Variants in FHIT observed in about 807,000 individuals in gnomAD.
FHIT encodes the protein bis(5'-adenosyl)-triphosphatase.
FHIT carries 19 observed loss-of-function variants against 17.9 expected under a neutral mutation model. The ratio of observed to expected loss-of-function variants is 1.06; its 90% CI spans 0.74 to 1.56. The LOEUF (loss-of-function observed/expected upper bound fraction) is 1.56. Ranked by LOEUF, FHIT falls within the 40% of genes most tolerant of loss-of-function variation. The probability of loss-of-function intolerance (pLI) is 0.00; values close to 1 mark genes in which losing one functional copy is unlikely to be tolerated. For synonymous variants in FHIT, 81 were observed against 69.7 expected (o/e 1.16, Z -0.81); for missense variants, 248 against 189.2 (o/e 1.31, Z -1.82).
intron 4 of FHIT, among the ~76,000 whole-genome samples, chr3:60,724,450 C>T (rs540258677): frequency 6.6e-6 from 1 of 152,214 alleles, no homozygotes; most frequent in African/African-American, 2.4e-5. Flanking sequence ...CATTTGCATA[C>T]AATTTTTTTA....
chr3:60,857,482 G>A (rs1327065829), intron 3 of FHIT, among the ~76,000 whole-genome samples: 3 of 152,120 alleles, frequency 2.0e-5, no homozygotes, highest in Non-Finnish European at 2.9e-5. Flanking sequence ...TTAAAATGGG[G>A]ATAATGACAA....
chr3:60,363,864 A>G (rs115371408), intron 5 of FHIT, among the ~76,000 whole-genome samples: 97 of 152,254 alleles, frequency 6.4e-4, no homozygotes, highest in African/African-American at 2.3e-3. Context: ...CCTTCCTGGA[A>G]GGTCACCTCA....
chr3:61,173,503 C>G (rs1208199763), intron 2 of FHIT, among the ~76,000 whole-genome samples: 2 of 152,164 alleles, frequency 1.3e-5, no homozygotes, highest in Non-Finnish European at 2.9e-5. Flanking sequence ...TGTGAGGTAT[C>G]TCTGAAGGAT....
rs571562587 is a variant in FHIT, at chr3:60,626,536, G to C, written c.-17-89557C>G. 1.2e-4 allele frequency among the ~76,000 whole-genome samples: 19 copies of C among 152,216 alleles called. No individual in the cohort carries two copies. The South Asian group carries it at 2.7e-3, about 22-fold the overall frequency. Reference sequence around the variant, plus strand: ...TATCACAAGTGAATAGAGAGAATGAGTTTGTGTATATTGTTCTTGTATCCT... The same window carrying C: ...TATCACAAGTGAATAGAGAGAATGACTTTGTGTATATTGTTCTTGTATCCT... On this transcript the variant is annotated intron_variant, in intron 4 of 9. Coordinates refer to ENST00000492590, the MANE Select transcript of FHIT (RefSeq NM_002012.4).
At chr3:60,452,876 T>G (rs1451514498) in intron 5 of FHIT, among the ~76,000 whole-genome samples, 2 of 152,198 alleles carry the variant, frequency 1.3e-5, no homozygotes, top group Non-Finnish European at 2.9e-5. Context: ...AGTATGCAAA[T>G]GTAAGTGTCT....
chr3:60,696,967 C>A (rs1553700773), intron 4 of FHIT, among the ~76,000 whole-genome samples: 1 of 152,068 alleles, frequency 6.6e-6, no homozygotes, highest in Non-Finnish European at 1.5e-5. Context: ...GCACTAGCAA[C>A]ATGAGTGCAC....
At chr3:59,972,428 T>A (rs960217722) in intron 7 of FHIT, among the ~76,000 whole-genome samples, 1 of 152,078 alleles carries the variant, frequency 6.6e-6, no homozygotes, top group Non-Finnish European at 1.5e-5. Context: ...TGGGAAGGTA[T>A]CCTTGGCGCT....
chr3:59,924,090 A>G (rs1041618857), intron 7 of FHIT, among the ~76,000 whole-genome samples: 2 of 152,182 alleles, frequency 1.3e-5, no homozygotes, highest in African/African-American at 2.4e-5. Flanking sequence ...CCATGAAACC[A>G]AATTCTTAGG....
At chr3:60,852,200 T>C (rs1575597961) in intron 3 of FHIT, among the ~76,000 whole-genome samples, 1 of 152,128 alleles carries the variant, frequency 6.6e-6, no homozygotes, top group Non-Finnish European at 1.5e-5. Context: ...GCTGGGACAC[T>C]GATTGTGTCC....
intron 8 of FHIT, among the ~76,000 whole-genome samples, chr3:59,823,614 A>G (rs1247461861): frequency 1.3e-5 from 2 of 152,226 alleles, no homozygotes; most frequent in African/African-American, 4.8e-5. Flanking sequence ...TCATCTCAAA[A>G]GATGCAGACA....
intron 3 of FHIT, among the ~76,000 whole-genome samples, chr3:60,999,967 C>A (rs1429345987): frequency 6.6e-6 from 1 of 152,080 alleles, no homozygotes; most frequent in Non-Finnish European, 1.5e-5. Context: ...CCTGGGGCCT[C>A]TTTTGTATAG....
chr3:59,987,790 T>C (rs184978934), intron 7 of FHIT, among the ~76,000 whole-genome samples: 171 of 152,182 alleles, frequency 1.1e-3, no homozygotes, highest in African/African-American at 4.1e-3. Flanking sequence ...ATGGCCTACT[T>C]ATGTTTTTCA....
intron 1 of FHIT, among the ~76,000 whole-genome samples, chr3:61,227,790 G>A (rs535239199): frequency 1.3e-5 from 2 of 152,216 alleles, no homozygotes; most frequent in South Asian, 4.2e-4. Flanking sequence ...ATATTCATGA[G>A]TATGTTTGCC....
intron 5 of FHIT, among the ~76,000 whole-genome samples, chr3:60,106,341 C>G (rs35714610): frequency 6.6e-6 from 1 of 151,988 alleles, no homozygotes; most frequent in Non-Finnish European, 1.5e-5. Flanking sequence ...GGTGGCAACA[C>G]CTATAGGAAG....
At chr3:60,391,162 TG>T (rs1218797096) in intron 5 of FHIT, among the ~76,000 whole-genome samples, 3 of 151,530 alleles carry the variant, frequency 2.0e-5, no homozygotes, top group African/African-American at 4.8e-5. Context: ...CACTCCAGCC[TG>T]GGCGACAGAG....
intron 5 of FHIT, among the ~76,000 whole-genome samples, chr3:60,358,987 C>G (rs1053012611): frequency 5.3e-5 from 8 of 152,166 alleles, no homozygotes; most frequent in African/African-American, 1.9e-4. Flanking sequence ...TTGTAGTCTA[C>G]TTGTTCAAGC....
chr3:60,460,386 C>CT (rs2032385082), intron 5 of FHIT, among the ~76,000 whole-genome samples: 3 of 151,854 alleles, frequency 2.0e-5, no homozygotes, highest in East Asian at 1.9e-4. Context: ...GAAATAACAC[C>CT]TTTTTTTAAA....
chr3:60,234,356 T>A (rs536446201), intron 5 of FHIT, among the ~76,000 whole-genome samples: 131 of 152,332 alleles, frequency 8.6e-4, no homozygotes, highest in African/African-American at 2.9e-3. Flanking sequence ...TACTTACACA[T>A]ATTAACACAA....
intron 5 of FHIT, among the ~76,000 whole-genome samples, chr3:60,453,966 GA>G (rs1222485530): frequency 6.6e-6 from 1 of 150,446 alleles, no homozygotes. Flanking sequence ...ATCTCTATGA[GA>G]AAAAAAAATA....
Sources: allele counts gnomAD v4.1 joint callset (sites outside exome capture counted in the v4.1 genomes callset), GRCh38; gene constraint gnomAD v4.1.1; transcripts MANE v1.5; gene names NCBI Gene and HGNC (gene_info 2026-07-23, HGNC 2026-07-21).